CCSER2: variants seen among roughly 807,000 people sequenced by gnomAD.
CCSER2 encodes serine-rich coiled-coil domain-containing protein 2.
A neutral mutation model predicts 92.3 loss-of-function variants in CCSER2; 46 were observed. That is an observed-to-expected ratio of 0.50 (90% CI 0.39 to 0.64). CCSER2 has a LOEUF of 0.64. CCSER2 is among the 30% of genes least tolerant of loss of function. The pLI is 0.00. For missense variants in CCSER2, 1,244 were observed against 1,238.9 expected, an observed-to-expected ratio of 1.00 and a Z score of -0.06; for synonymous variants, 433 against 431.4, an observed-to-expected ratio of 1.00 and a Z score of -0.04.
intron 9 of CCSER2, among the ~76,000 whole-genome samples, chr10:84,505,660 A>G (rs1849002435): frequency 6.6e-6 from 1 of 152,158 alleles, no homozygotes; most frequent in Non-Finnish European, 1.5e-5. Context: ...GTTAACATCA[A>G]ATATGGTATT....
intron 5 of CCSER2, among the ~76,000 whole-genome samples, chr10:84,429,417 T>C (rs1368089590): frequency 6.6e-6 from 1 of 152,172 alleles, no homozygotes; most frequent in African/African-American, 2.4e-5. Flanking sequence ...GTGTTAGCAA[T>C]AAATTCTCTG....
At chr10:84,459,033 G>A (rs574576870) in intron 6 of CCSER2, among the ~76,000 whole-genome samples, 13 of 152,036 alleles carry the variant, frequency 8.6e-5, no homozygotes, top group Admixed American at 5.9e-4. Context: ...TCTTTGAGAC[G>A]TTCTCGCTGT....
At chr10:84,513,227 T>A (rs1340629094) in intron 9 of CCSER2, among the ~76,000 whole-genome samples, 2 of 152,238 alleles carry the variant, frequency 1.3e-5, no homozygotes, top group African/African-American at 2.4e-5. Context: ...ATTTTGGATC[T>A]TGTTCAGTGT....
chr10:84,427,551 C>T (rs1205653545), intron 5 of CCSER2, among the ~76,000 whole-genome samples: 6 of 152,114 alleles, frequency 3.9e-5, no homozygotes, highest in East Asian at 1.9e-4. Flanking sequence ...CCTTAACTCC[C>T]GTTATTATTG....
At chr10:84,491,454 C>T (rs188217963) in intron 9 of CCSER2, among the ~76,000 whole-genome samples, 6 of 152,308 alleles carry the variant, frequency 3.9e-5, no homozygotes, top group Admixed American at 2.0e-4. Flanking sequence ...CACCCCTCCC[C>T]CAGCCTTGCT....
chr10:84,452,170 T>C (rs1488587445), intron 6 of CCSER2: 1 of 152,242 alleles, frequency 6.6e-6, no homozygotes, highest in Non-Finnish European at 1.5e-5. Context: ...ACATCACTGA[T>C]GATGCTTGTT....
At chr10:84,332,437 T>TATATATATATA (rs57504114) in intron 1 of CCSER2, among the ~76,000 whole-genome samples, 1 of 34,892 alleles carries the variant, frequency 2.9e-5, no homozygotes, top group African/African-American at 2.3e-4. Context: ...TATATATATA[T>TATATATATATA]TTTTTTTTTT....
intron 1 of CCSER2, among the ~76,000 whole-genome samples, chr10:84,351,318 A>G (rs377086985): frequency 2.0e-5 from 3 of 151,504 alleles, no homozygotes; most frequent in South Asian, 2.1e-4. Flanking sequence ...TCAGATCACT[A>G]CCTCCCAGGT....
intron 3 of CCSER2, among the ~76,000 whole-genome samples, chr10:84,394,326 G>A (rs184857812): frequency 6.6e-5 from 10 of 151,218 alleles, no homozygotes; most frequent in Non-Finnish European, 1.2e-4. Context: ...ACACATGATC[G>A]TAGTATGAAT....
intron 4 of CCSER2, among the ~76,000 whole-genome samples, chr10:84,421,369 C>G (rs923732410): frequency 2.0e-5 from 3 of 152,180 alleles, no homozygotes; most frequent in African/African-American, 4.8e-5. Flanking sequence ...AGTTGACTTA[C>G]AGTTCTGCAT....
chr10:84,339,279 T>C (rs913058023), intron 1 of CCSER2, among the ~76,000 whole-genome samples: 17 of 151,042 alleles, frequency 1.1e-4, no homozygotes, highest in Non-Finnish European at 2.2e-4. Flanking sequence ...GCTGGAATTA[T>C]AGGCGTGAGC....
At chr10:84,443,604 A>G (rs1844717574) in intron 6 of CCSER2, among the ~76,000 whole-genome samples, 1 of 152,154 alleles carries the variant, frequency 6.6e-6, no homozygotes. Flanking sequence ...AGGATCTAGA[A>G]CCAGAAATAC....
chr10:84,458,686 G>C (rs1845919471), intron 6 of CCSER2, among the ~76,000 whole-genome samples: 1 of 151,968 alleles, frequency 6.6e-6, no homozygotes, highest in African/African-American at 2.4e-5. Context: ...CATTTATTTA[G>C]TTCTCTCTGA....
chr10:84,501,844 T>TATATATATATATACTC (rs1848762810), intron 9 of CCSER2, among the ~76,000 whole-genome samples: 1 of 94,864 alleles, frequency 1.1e-5, no homozygotes, highest in Non-Finnish European at 2.4e-5. Context: ...AATATATATA[T>TATATATATATATACTC]ATATATATAT....
intron 1 of CCSER2, among the ~76,000 whole-genome samples, chr10:84,335,492 C>G (rs1384496393): frequency 6.6e-6 from 1 of 152,022 alleles, no homozygotes; most frequent in Non-Finnish European, 1.5e-5. Flanking sequence ...GACCCTCCTG[C>G]TTTTACCTCC....
chr10:84,408,565 C>T (rs1247122108), intron 3 of CCSER2, among the ~76,000 whole-genome samples: 2 of 152,084 alleles, frequency 1.3e-5, no homozygotes, highest in African/African-American at 4.8e-5. Flanking sequence ...AGTAGGCTCA[C>T]TCCCATTCTT....
intron 3 of CCSER2, among the ~76,000 whole-genome samples, chr10:84,408,387 T>A (rs1328283842): frequency 6.6e-6 from 1 of 152,128 alleles, no homozygotes; most frequent in Admixed American, 6.5e-5. Context: ...AAGGATTTAT[T>A]TATATATGTT....
At chr10:84,352,307 A>AAACCAAAAAC (rs1844909094) in intron 1 of CCSER2, among the ~76,000 whole-genome samples, 1 of 119,504 alleles carries the variant, frequency 8.4e-6, no homozygotes, top group African/African-American at 2.8e-5. Context: ...TGTCTCAAAA[A>AAACCAAAAAC]AAACAAAAAC....
At chr10:84,361,458 G>C (rs764902359) in intron 1 of CCSER2, among the ~76,000 whole-genome samples, 1 of 152,082 alleles carries the variant, frequency 6.6e-6, no homozygotes, top group Non-Finnish European at 1.5e-5. Context: ...ATTAATTGCA[G>C]CTTTTTACAT....
Sources: gnomAD v4.1 joint callset for allele counts (sites outside exome capture counted in the v4.1 genomes callset) on GRCh38, gnomAD v4.1.1 for gene constraint, MANE v1.5 for transcripts, NCBI Gene and HGNC (gene_info 2026-07-23, HGNC 2026-07-21) for gene names.